SULT4A1: variants seen among roughly 807,000 people sequenced by gnomAD.
SULT4A1 encodes sulfotransferase family 4A member 1.
Under a neutral mutation model 35.2 loss-of-function variants are expected in SULT4A1, and 11 were observed. That is an observed-to-expected ratio of 0.31 (90% CI 0.20 to 0.52). SULT4A1 has a LOEUF of 0.52. Ranked by LOEUF, SULT4A1 falls within the 20% of genes least tolerant of loss-of-function variation. The probability of loss-of-function intolerance (pLI) is 0.97; values close to 1 mark genes in which losing one functional copy is unlikely to be tolerated. For missense variants in SULT4A1, 271 were observed against 383.7 expected, an observed-to-expected ratio of 0.71 and a Z score of 2.45; for synonymous variants, 152 against 151.8, an observed-to-expected ratio of 1.00 and a Z score of -0.01.
intron 5 of SULT4A1, among the ~76,000 whole-genome samples, chr22:43,829,535 C>T (rs543233768): frequency 2.0e-5 from 3 of 152,306 alleles, no homozygotes; most frequent in Admixed American, 2.0e-4. Flanking sequence ...GGAGCAAGAC[C>T]TAATGGGCTC....
chr22:43,861,130 C>T (rs1209110771), intron 1 of SULT4A1, among the ~76,000 whole-genome samples: 1 of 152,120 alleles, frequency 6.6e-6, no homozygotes, highest in Non-Finnish European at 1.5e-5. Flanking sequence ...GCCCATCGAA[C>T]GCTCTGTTCT....
intron 1 of SULT4A1, among the ~76,000 whole-genome samples, chr22:43,844,173 C>T (rs1369936730): frequency 6.6e-6 from 1 of 152,120 alleles, no homozygotes; most frequent in African/African-American, 2.4e-5. Flanking sequence ...GGCTTTTCTC[C>T]AACTGATACG....
intron 1 of SULT4A1, among the ~76,000 whole-genome samples, chr22:43,858,982 A>G (rs1021910744): frequency 5.3e-5 from 8 of 152,140 alleles, no homozygotes; most frequent in Non-Finnish European, 7.4e-5. Context: ...CAGGCCATTT[A>G]CCTGACCCTG....
Position 43,862,202 on chromosome 22 carries a change from C to A in SULT4A1, c.169+12G>T. On this transcript the variant is annotated intron_variant, in intron 1 of 6. Transcript: ENST00000330884. ...GGCATGGCGTGGCGGGCGCGGTCGG[C>A]GCGGGGCTCACCGGACTTGGGGTAG... is the stretch of plus-strand genomic sequence containing the variant. 1 of 1,526,130 alleles carries A rather than the reference C, an allele frequency of 6.6e-7. No individual in the cohort carries two copies. Among genetic ancestry groups the A allele is most frequent in the Non-Finnish European group, 8.8e-7 (1 of 1,137,208 alleles). 94.5% of individuals were successfully genotyped at this position (1,526,130 alleles called of 1,614,324 possible). A position where few individuals can be genotyped will look rare whatever the true frequency, so the allele number is the denominator to read the frequency against.
intron 4 of SULT4A1, among the ~76,000 whole-genome samples, chr22:43,836,774 TCA>T (rs1016110920): frequency 1.7e-4 from 25 of 149,726 alleles, no homozygotes; most frequent in African/African-American, 5.7e-4. Flanking sequence ...CACAGCGTCC[TCA>T]CACTGCAGGT....
At position 43,825,928 on chromosome 22, in the gene SULT4A1, A is replaced by C; in HGVS notation, c.*73T>G. On this transcript the variant is annotated 3_prime_UTR_variant, in exon 7 of 7. Coordinates refer to ENST00000330884, the MANE Select transcript of SULT4A1 (RefSeq NM_014351.4). ...TCCAGAGTTTGTCCAGCAAGGAATA[A>C]ATGAATGCATACAGGACTTTTGGCT... is the stretch of plus-strand genomic sequence containing the variant. 1 of 1,426,486 alleles carries C rather than the reference A, an allele frequency of 7.0e-7. No homozygotes were observed. The highest frequency in any genetic ancestry group is 9.7e-7 in the Non-Finnish European group (1 of 1,025,732). The allele number at this position is 1,426,486 out of a possible 1,614,324, so 88.4% of individuals were successfully genotyped here.
At chr22:43,850,680 C>A (rs1197776402) in intron 1 of SULT4A1, among the ~76,000 whole-genome samples, 1 of 152,178 alleles carries the variant, frequency 6.6e-6, no homozygotes, top group Non-Finnish European at 1.5e-5. Flanking sequence ...ACCTTGGGTG[C>A]ACTGGTCCTT....
At chr22:43,861,012 G>T (rs936257229) in intron 1 of SULT4A1, among the ~76,000 whole-genome samples, 2 of 152,172 alleles carry the variant, frequency 1.3e-5, no homozygotes, top group African/African-American at 4.8e-5. Context: ...AGAGCACTTG[G>T]CCCGCAGGAC....
At position 43,862,215 on chromosome 22, in the gene SULT4A1, G is replaced by A. The variant is rs750450140; in HGVS notation, c.168C>T (p.Ser56=). The A allele has an allele frequency of 6.5e-6, 10 of 1,547,856 alleles. No homozygotes were observed. In the South Asian group the frequency reaches 1.2e-4, roughly 18 times the overall value. Residue 56 remains serine (S), a splice_region_variant and synonymous_variant, in exon 1 of 7, where the codon TCC becomes TCT. Transcript: ENST00000330884. The stretch of plus-strand genomic sequence containing the variant: ...GGGCGCGGTCGGCGCGGGGCTCACC[G>A]GACTTGGGGTAGGTGACGATCCACA... ...SDVWIVTYPK[S]GTSLLQEVVY... is the part of the protein sequence containing the mutation.
At chr22:43,861,795 T>G (rs1258837198) in intron 1 of SULT4A1, among the ~76,000 whole-genome samples, 2 of 152,160 alleles carry the variant, frequency 1.3e-5, no homozygotes, top group Admixed American at 1.3e-4. Flanking sequence ...CCTTCCCAGG[T>G]GAACACCAGG....
At position 43,825,222 on chromosome 22, in the gene SULT4A1, G is replaced by A. The variant is rs1186601040; in HGVS notation, c.*779C>T. ...AGCGCAACTCGGTCCTTTGGTGGCC[G>A]ACTCTCCACCCACTGCATGCAAATG... On this transcript the variant is annotated 3_prime_UTR_variant, in exon 7 of 7. Coordinates refer to ENST00000330884, the MANE Select transcript of SULT4A1 (RefSeq NM_014351.4). 3 of 152,182 alleles carry A rather than the reference G, an allele frequency of 2.0e-5. No individual in the cohort carries two copies. Among genetic ancestry groups the A allele is most frequent in the South Asian group, 4.1e-4 (2 of 4,830 alleles). The allele number at this position is 152,182 out of a possible 1,614,324, so 9.4% of individuals were successfully genotyped here.
intron 1 of SULT4A1, among the ~76,000 whole-genome samples, chr22:43,859,952 G>A (rs138105): frequency 0.68 from 104,029 of 152,078 alleles, 36,794 homozygotes; most frequent in East Asian, 0.99. Context: ...CTAGAATGTC[G>A]CAAGCACAAA....
intron 1 of SULT4A1, among the ~76,000 whole-genome samples, chr22:43,844,292 G>A (rs1210812978): frequency 2.0e-5 from 3 of 152,242 alleles, no homozygotes; most frequent in Non-Finnish European, 4.4e-5. Flanking sequence ...TGGCCAACGG[G>A]AAGAGCCTGG....
At chr22:43,837,546 A>G (rs7291934) in intron 4 of SULT4A1, among the ~76,000 whole-genome samples, 23,170 of 152,220 alleles carry the variant, frequency 0.15, 1,889 homozygotes, top group African/African-American at 0.22. Context: ...CAGAAGGCCC[A>G]GAGCAGGCTC....
intron 5 of SULT4A1, among the ~76,000 whole-genome samples, chr22:43,830,268 G>T (rs1011935043): frequency 1.3e-5 from 2 of 152,264 alleles, no homozygotes; most frequent in Admixed American, 6.5e-5. Flanking sequence ...TAGCAATGGA[G>T]AAAGAGTGAA....
chr22:43,826,057 A>G lies in SULT4A1; in HGVS notation c.799T>C (p.Leu267=). 6.2e-7 allele frequency: 1 copy of G among 1,614,202 alleles called. No individual in the cohort carries two copies. The highest frequency in any genetic ancestry group is 8.5e-7 in the Non-Finnish European group (1 of 1,180,036). ...TTTCCCATCTTCTGTTTATACACCA[A>G]GTCAAACTTCTCATTCATGGAGACG... The part of the protein sequence containing the change: ...FTVSMNEKFD[L]VYKQKMGKCD... The change falls in exon 7 of 7, where the codon TTG becomes CTG. Residue 267 remains leucine (L), a synonymous_variant. Coordinates refer to ENST00000330884, the MANE Select transcript of SULT4A1 (RefSeq NM_014351.4).
At chr22:43,843,009 T>C (rs1044120637) in intron 1 of SULT4A1, among the ~76,000 whole-genome samples, 5 of 87,190 alleles carry the variant, frequency 5.7e-5, no homozygotes, top group South Asian at 7.5e-4. Context: ...CTCTCTGACC[T>C]TCTCCTGCCC....
chr22:43,846,763 G>A (rs1211454881), intron 1 of SULT4A1, among the ~76,000 whole-genome samples: 2 of 152,238 alleles, frequency 1.3e-5, no homozygotes, highest in African/African-American at 4.8e-5. Context: ...GTTCCTCCTG[G>A]TGAGGACCAT....
At chr22:43,848,891 AC>A (rs768048325) in intron 1 of SULT4A1, among the ~76,000 whole-genome samples, 1 of 152,242 alleles carries the variant, frequency 6.6e-6, no homozygotes, top group Non-Finnish European at 1.5e-5. Flanking sequence ...GGGCAGAGCC[AC>A]CTGCTGGCCA....
Sources: gnomAD v4.1 joint callset for allele counts (sites outside exome capture counted in the v4.1 genomes callset) on GRCh38, gnomAD v4.1.1 for gene constraint, MANE v1.5 for transcripts, NCBI Gene and HGNC (gene_info 2026-07-23, HGNC 2026-07-21) for gene names.